Variants in CFAP43 observed in about 807,000 individuals in gnomAD.
The protein encoded by CFAP43 is cilia- and flagella-associated protein 43.
CFAP43 carries 155 observed loss-of-function variants against 218.9 expected under a neutral mutation model. The ratio of observed to expected loss-of-function variants is 0.71; its 90% CI spans 0.62 to 0.81. The LOEUF (loss-of-function observed/expected upper bound fraction) is 0.81, where lower values mean the gene tolerates loss of function less well. Ranked by LOEUF, CFAP43 falls within the 30% of genes least tolerant of loss-of-function variation. CFAP43 has a pLI of 0.00. For missense variants in CFAP43, 1,778 were observed against 1,954.3 expected, an observed-to-expected ratio of 0.91 and a Z score of 1.70; for synonymous variants, 645 against 681.3, an observed-to-expected ratio of 0.95 and a Z score of 0.83.
intron 32 of CFAP43, among the ~76,000 whole-genome samples, chr10:104,142,887 G>A (rs1423427787): frequency 6.6e-6 from 1 of 152,058 alleles, no homozygotes; most frequent in Non-Finnish European, 1.5e-5. Context: ...TGCAAAATGA[G>A]ATAACCTACA....
chr10:104,185,986 G>C lies in CFAP43; in HGVS notation c.1998C>G (p.Asp666Glu), dbSNP rs764474143. 6.2e-7 allele frequency: 1 copy of C among 1,610,826 alleles called. No individual in the cohort carries two copies. Among genetic ancestry groups the C allele is most frequent in the African/African-American group, 1.3e-5 (1 of 74,648 alleles). The change falls in exon 15 of 38, where the codon GAC becomes GAG. Residue 666 changes from aspartate to glutamate, a missense_variant. Coordinates refer to ENST00000357060, the MANE Select transcript of CFAP43 (RefSeq NM_025145.7). ...IAKCGILCIR[D>E]VYTLETFAWC... ...GAAAGCAGCTTACCAAAGTATAAAC[G>C]TCTCGGATACACAGAATTCCACATT...
At chr10:104,156,201 C>G (rs914319714) in intron 27 of CFAP43, among the ~76,000 whole-genome samples, 1 of 151,962 alleles carries the variant, frequency 6.6e-6, no homozygotes, top group Non-Finnish European at 1.5e-5. Flanking sequence ...ATCATAAAAT[C>G]GGAAGACACA....
chr10:104,213,814 C>T (rs975475644), intron 4 of CFAP43, among the ~76,000 whole-genome samples: 4 of 152,184 alleles, frequency 2.6e-5, no homozygotes, highest in Non-Finnish European at 4.4e-5. Context: ...GGACTACAGG[C>T]GTGAGCCACT....
intron 7 of CFAP43, among the ~76,000 whole-genome samples, chr10:104,205,202 G>A (rs2090646757): frequency 9.2e-6 from 1 of 108,986 alleles, no homozygotes. Context: ...GACAGAGCGA[G>A]ACTCCGTCTC....
At chr10:104,134,389 C>T (rs1258947298) in intron 34 of CFAP43, among the ~76,000 whole-genome samples, 1 of 151,940 alleles carries the variant, frequency 6.6e-6, no homozygotes, top group Non-Finnish European at 1.5e-5. Flanking sequence ...CAGAGCAAGA[C>T]CCTGTCTCAA....
intron 29 of CFAP43, among the ~76,000 whole-genome samples, chr10:104,146,747 CT>C (rs2087993870): frequency 6.6e-6 from 1 of 152,294 alleles, no homozygotes; most frequent in Non-Finnish European, 1.5e-5. Context: ...CAATCATCAG[CT>C]GGGAAACTAA....
At chr10:104,231,644 C>T (rs2091450525) in intron 1 of CFAP43, among the ~76,000 whole-genome samples, 2 of 152,066 alleles carry the variant, frequency 1.3e-5, no homozygotes, top group Admixed American at 1.3e-4. Context: ...GGGAGGAACA[C>T]TCTAGAATGT....
intron 9 of CFAP43, 103 bp from the exon 10 acceptor site, chr10:104,197,036 T>A (rs2090400661): frequency 1.2e-6 from 1 of 810,386 alleles, no homozygotes; most frequent in African/African-American, 1.8e-5. Context: ...AGTATAAAAT[T>A]TCATTTTACT....
chr10:104,179,796 T>C (rs759949675), intron 18 of CFAP43, 44 bp downstream of exon 18: 3 of 1,420,038 alleles, frequency 2.1e-6, no homozygotes, highest in Non-Finnish European at 3.0e-6. Context: ...ATTTGGTGCA[T>C]CTACAGAGCA....
intron 5 of CFAP43, among the ~76,000 whole-genome samples, chr10:104,210,799 T>TTTTG: frequency 7.1e-6 from 1 of 141,382 alleles, no homozygotes; most frequent in East Asian, 2.0e-4. Context: ...TTTTTTTTTT[T>TTTTG]TTTTTTTTTG....
At chr10:104,150,206 T>C (rs1229989283) in intron 28 of CFAP43, among the ~76,000 whole-genome samples, 1 of 152,200 alleles carries the variant, frequency 6.6e-6, no homozygotes, top group East Asian at 1.9e-4. Flanking sequence ...ATTTAGATTG[T>C]TTCCACCTTT....
Position 104,131,494 on chromosome 10 carries a change from T to C in CFAP43, c.4678-10A>G, listed in dbSNP as rs1274307353. On this transcript the variant is annotated splice_polypyrimidine_tract_variant and intron_variant, in intron 36 of 37. Transcript: ENST00000357060. Reference sequence around the variant, plus strand: ...CATTCTTTTTGTGCATCTGAAATTTTTGTTCCCATGACACCCCACAAAATT... The same window carrying C: ...CATTCTTTTTGTGCATCTGAAATTTCTGTTCCCATGACACCCCACAAAATT... The C allele has an allele frequency of 6.2e-7, 1 of 1,605,788 alleles. No homozygotes were observed. Among genetic ancestry groups the C allele is most frequent in the East Asian group, 2.2e-5 (1 of 44,740 alleles).
At chr10:104,145,057 G>A (rs1286066444) in intron 31 of CFAP43, among the ~76,000 whole-genome samples, 1 of 152,126 alleles carries the variant, frequency 6.6e-6, no homozygotes, top group Non-Finnish European at 1.5e-5. Context: ...TTTTAACCCA[G>A]TATTTTCCCC....
At chr10:104,202,818 G>GT (rs5787513) in intron 8 of CFAP43, among the ~76,000 whole-genome samples, 18,450 of 141,388 alleles carry the variant, frequency 0.13, 1,365 homozygotes, top group Non-Finnish European at 0.18. Flanking sequence ...AGTTAGCATA[G>GT]TTTTTTTTTT....
In CFAP43 at chr10:104,203,695, CTG is replaced by C; in HGVS notation, c.1070_1071del (p.Thr357SerfsTer18). On this transcript the variant is annotated frameshift_variant, in exon 8 of 38. Transcript: ENST00000357060. LOFTEE classifies it high-confidence loss of function. Reference protein sequence around the residue: ...VEHMTFSPNYTVLLIQTDKGS... With the variant: ...VEHMTFSPNYXVLLIQTDKGS... ...ACCTTGTCTGTTTGAATCAGCAACA[CTG>C]TATAATTGGGAGAAAATGTCATATG... 1 of 1,608,878 alleles carries C rather than the reference CTG, an allele frequency of 6.2e-7. No homozygotes were observed. The highest frequency in any genetic ancestry group is 8.5e-7 in the Non-Finnish European group (1 of 1,178,062).
intron 9 of CFAP43, among the ~76,000 whole-genome samples, chr10:104,197,293 T>C (rs958972978): frequency 6.6e-6 from 1 of 152,178 alleles, no homozygotes; most frequent in Non-Finnish European, 1.5e-5. Context: ...CTAGAACTTA[T>C]TTTTTTAGAG....
intron 17 of CFAP43, among the ~76,000 whole-genome samples, chr10:104,180,445 CTTTTTTT>C (rs34452460): frequency 8.0e-6 from 1 of 124,652 alleles, no homozygotes; most frequent in Non-Finnish European, 1.7e-5. Flanking sequence ...CACCCTATTT[CTTTTTTT>C]TTTTTTTTTT....
In CFAP43 at chr10:104,230,769, T is replaced by G. The variant is rs770258819; in HGVS notation, c.140A>C (p.Tyr47Ser). 6.2e-7 allele frequency: 1 copy of G among 1,613,984 alleles called. No homozygotes were observed. The highest frequency in any genetic ancestry group is 1.1e-5 in the South Asian group (1 of 91,018). The change falls in exon 2 of 38, where the codon TAT (tyrosine) becomes TCT (serine). Residue 47 changes from tyrosine (Y) to serine (S), a missense_variant. Tyr to Ser is a moderately radical substitution (Grantham distance 144). This residue lies in a region of CFAP43 where 1,553 missense variants were observed against 1,685.2 expected (regional missense o/e 0.92). Coordinates refer to ENST00000357060, the MANE Select transcript of CFAP43 (RefSeq NM_025145.7). The stretch of plus-strand genomic sequence containing the variant: ...GGTTTCAATATTAATAAATATTACA[T>G]AATTCCCACAAGGGTAGCAAATGGT... ...DNTICYPCGNYVIFINIETKK... is the reference protein window; with the variant it reads ...DNTICYPCGNSVIFINIETKK...
At position 104,167,651 on chromosome 10, in the gene CFAP43, C is replaced by G. The variant is rs1333412932; in HGVS notation, c.2778G>C (p.Gln926His). 3 of 1,611,780 alleles carry G rather than the reference C, an allele frequency of 1.9e-6. No individual in the cohort carries two copies. The highest frequency in any genetic ancestry group is 2.5e-6 in the Non-Finnish European group (3 of 1,179,380). ...GACACTCTGCTTCAATCTTCTTTTG[C>G]TGTAAAACTCTTTCCAATTCTTTCA... ...EELKELERVL[Q>H]QKKIEAECLK... The change falls in exon 22 of 38, where the codon CAG (glutamine) becomes CAC (histidine). Residue 926 changes from glutamine to histidine, a missense_variant. Gln to His is a conservative substitution (Grantham distance 24). Around this residue, in one of 3 missense-constraint regions of CFAP43, gnomAD observed 1,553 missense variants for 1,685.2 expected, o/e 0.92. Transcript: ENST00000357060.
Sources: allele counts gnomAD v4.1 joint callset (sites outside exome capture counted in the v4.1 genomes callset), GRCh38; gene constraint gnomAD v4.1.1; regional missense constraint gnomAD v4.1.1; transcripts MANE v1.5; gene names NCBI Gene and HGNC (gene_info 2026-07-23, HGNC 2026-07-21).